CNTN5: variants seen among roughly 807,000 people sequenced by gnomAD.
CNTN5 encodes contactin-5.
Under a neutral mutation model 129.1 loss-of-function variants are expected in CNTN5, and 77 were observed. The observed-to-expected ratio is 0.60, with a 90% CI of 0.50 to 0.72. The LOEUF (loss-of-function observed/expected upper bound fraction) is 0.72. CNTN5 is among the 30% of genes least tolerant of loss of function. The pLI is 0.00. For synonymous variants in CNTN5, 509 were observed against 465.6 expected (o/e 1.09, Z -1.20); for missense variants, 1,478 against 1,328.8 (o/e 1.11, Z -1.75).
intron 2 of CNTN5, among the ~76,000 whole-genome samples, chr11:99,447,456 T>C (rs1944115796): frequency 6.6e-6 from 1 of 152,196 alleles, no homozygotes; most frequent in South Asian, 2.1e-4. Context: ...AAGAAGATAA[T>C]AGAAATCAAG....
chr11:99,974,552 C>G (rs1937807536), intron 8 of CNTN5, among the ~76,000 whole-genome samples: 1 of 152,158 alleles, frequency 6.6e-6, no homozygotes, highest in African/African-American at 2.4e-5. Flanking sequence ...GAATAAATGT[C>G]ATGAAGGATA....
intron 2 of CNTN5, among the ~76,000 whole-genome samples, chr11:99,486,861 G>T (rs2135334783): frequency 6.6e-6 from 1 of 152,214 alleles, no homozygotes; most frequent in East Asian, 1.9e-4. Flanking sequence ...CTACACAAAA[G>T]AGATTAGAAA....
rs536151972 is a variant in CNTN5, at chr11:99,927,839, T to C, written c.673+11690T>C. Among the ~76,000 whole-genome samples, 3 of 152,260 alleles carry C rather than the reference T, an allele frequency of 2.0e-5. No individual in the cohort carries two copies. The East Asian group carries it at 5.8e-4, about 29-fold the overall frequency. ...ATTTCAAAACACAGTCATGCCCTTC[T>C]AACAGTCCCCAAAAATCTTAACTAA... On this transcript the variant is annotated intron_variant, in intron 7 of 24. Transcript: ENST00000524871.
chr11:100,056,299 C>A (rs12293072), intron 9 of CNTN5, among the ~76,000 whole-genome samples: 9,312 of 151,244 alleles, frequency 0.062, 968 homozygotes, highest in African/African-American at 0.21. Context: ...TAAATTGGAG[C>A]AACAAAATCA....
chr11:99,531,386 A>C (rs183885086), intron 2 of CNTN5, among the ~76,000 whole-genome samples: 74 of 152,344 alleles, frequency 4.9e-4, no homozygotes, highest in African/African-American at 1.6e-3. Context: ...GGGAAACAGC[A>C]TAAAAGTTCA....
chr11:100,058,251 C>T lies in CNTN5; in HGVS notation c.981-2961C>T, dbSNP rs914609636. On this transcript the variant is annotated intron_variant, in intron 9 of 24. Coordinates refer to ENST00000524871, the MANE Select transcript of CNTN5 (RefSeq NM_014361.4). ...ACAGTCAAAAAACTAACTCCACTGA[C>T]GGTGGCAGACCCAGGTAACTTTGTG... 3.9e-5 allele frequency among the ~76,000 whole-genome samples: 6 copies of T among 152,062 alleles called. 1 individual carries two copies. Among genetic ancestry groups the T allele is most frequent in the East Asian group, 3.8e-4 (2 of 5,196 alleles).
chr11:100,340,710 C>T, intron 22 of CNTN5, 61 bp downstream of exon 22: 1 of 1,429,322 alleles, frequency 7.0e-7, no homozygotes, highest in East Asian at 2.4e-5. Context: ...TAACATTTCT[C>T]AAAGCCACGT....
At chr11:99,137,964 A>G (rs1207503455) in intron 1 of CNTN5, among the ~76,000 whole-genome samples, 1 of 152,178 alleles carries the variant, frequency 6.6e-6, no homozygotes, top group African/African-American at 2.4e-5. Flanking sequence ...GTAACATAAA[A>G]CTAGCATTTG....
At chr11:99,856,478 T>C (rs1376913197) in intron 6 of CNTN5, among the ~76,000 whole-genome samples, 3 of 152,190 alleles carry the variant, frequency 2.0e-5, no homozygotes, top group Non-Finnish European at 4.4e-5. Flanking sequence ...GTTATGTTTG[T>C]GGTGCCTATA....
At chr11:99,514,108 A>T (rs989419347) in intron 2 of CNTN5, among the ~76,000 whole-genome samples, 1 of 152,164 alleles carries the variant, frequency 6.6e-6, no homozygotes, top group African/African-American at 2.4e-5. Flanking sequence ...GATGAATTTT[A>T]GGGGTCCAAG....
chr11:99,702,250 G>A (rs1287799702), intron 3 of CNTN5, among the ~76,000 whole-genome samples: 1 of 150,588 alleles, frequency 6.6e-6, no homozygotes, highest in Admixed American at 6.6e-5. Flanking sequence ...TATTTTTAAG[G>A]TACATATTTC....
chr11:100,340,990 C>T (rs2139014116), intron 22 of CNTN5, 103 bp from the exon 23 acceptor site: 1 of 862,134 alleles, frequency 1.2e-6, no homozygotes, highest in South Asian at 1.6e-5. Flanking sequence ...AGATTGCCAG[C>T]CAACTACTAA....
intron 13 of CNTN5, among the ~76,000 whole-genome samples, chr11:100,106,264 G>C (rs762403779): frequency 2.0e-5 from 3 of 152,088 alleles, no homozygotes; most frequent in Non-Finnish European, 4.4e-5. Flanking sequence ...GGTAATCAGA[G>C]AATAAGGGCC....
intron 4 of CNTN5, among the ~76,000 whole-genome samples, chr11:99,838,786 GTCT>G (rs1489307700): frequency 3.3e-5 from 5 of 152,112 alleles, no homozygotes; most frequent in Admixed American, 1.3e-4. Flanking sequence ...ATATGCAATG[GTCT>G]TCTTCTTGAG....
Position 99,719,071 on chromosome 11 carries a change from C to T in CNTN5, c.56-100473C>T, listed in dbSNP as rs183890621. ...TGGTGTCTCACGCCTGTAATTCCAG[C>T]ACTTTGGGAGGCCGAAGCAGGTGGA... On this transcript the variant is annotated intron_variant, in intron 3 of 24. Coordinates refer to ENST00000524871, the MANE Select transcript of CNTN5 (RefSeq NM_014361.4). 3.0e-3 allele frequency among the ~76,000 whole-genome samples: 456 copies of T among 152,140 alleles called. 3 individuals carry two copies. The highest frequency in any genetic ancestry group is 0.01 in the African/African-American group (425 of 41,516).
chr11:99,669,533 A>G (rs1952949494), intron 3 of CNTN5, among the ~76,000 whole-genome samples: 1 of 152,000 alleles, frequency 6.6e-6, no homozygotes, highest in Non-Finnish European at 1.5e-5. Context: ...TGAGCATGAG[A>G]GACTTCCATG....
At chr11:99,701,701 C>T (rs865891549) in intron 3 of CNTN5, among the ~76,000 whole-genome samples, 1 of 150,758 alleles carries the variant, frequency 6.6e-6, no homozygotes, top group South Asian at 2.1e-4. Context: ...TTATTTTGAT[C>T]TTTCCTATAA....
At position 99,946,470 on chromosome 11, in the gene CNTN5, A is replaced by G. The variant is rs543450774; in HGVS notation, c.674-10336A>G. The stretch of plus-strand genomic sequence containing the variant: ...GAAGTCTGAACACGTTTAGATTTTA[A>G]ATAGTCAATCTCTGCTGTATCTTGG... On this transcript the variant is annotated intron_variant, in intron 7 of 24. Transcript: ENST00000524871. 4.1e-3 allele frequency among the ~76,000 whole-genome samples: 618 copies of G among 152,242 alleles called. 14 individuals carry two copies. Among genetic ancestry groups the G allele is most frequent in the East Asian group, 3.3e-3 (17 of 5,180 alleles).
chr11:99,193,825 T>C (rs1346243598), intron 1 of CNTN5, among the ~76,000 whole-genome samples: 1 of 152,144 alleles, frequency 6.6e-6, no homozygotes, highest in Non-Finnish European at 1.5e-5. Context: ...ACAACTTCTG[T>C]AGAAGGTAAG....
Sources: allele counts gnomAD v4.1 joint callset (sites outside exome capture counted in the v4.1 genomes callset), GRCh38; gene constraint gnomAD v4.1.1; transcripts MANE v1.5; gene names NCBI Gene and HGNC (gene_info 2026-07-23, HGNC 2026-07-21).